Variants in RAD18 observed in about 807,000 individuals in gnomAD.
RAD18 encodes E3 ubiquitin-protein ligase RAD18.
RAD18 carries 47 observed loss-of-function variants against 60.4 expected under a neutral mutation model. The ratio of observed to expected loss-of-function variants is 0.78; its 90% CI spans 0.62 to 0.99. RAD18 has a LOEUF of 0.99. Ranked by LOEUF, RAD18 falls within the 50% of genes least tolerant of loss-of-function variation. RAD18 has a pLI of 0.00. For synonymous variants in RAD18, 225 were observed against 195.5 expected (o/e 1.15, Z -1.26); for missense variants, 640 against 593.3 (o/e 1.08, Z -0.82).
chr3:8,902,996 A>G (rs550464274), intron 9 of RAD18, among the ~76,000 whole-genome samples: 2 of 152,034 alleles, frequency 1.3e-5, no homozygotes, highest in Admixed American at 1.3e-4. Flanking sequence ...ACTGCACTCC[A>G]GCCTGGGCAA....
At chr3:8,920,823 A>C (rs1940305498) in intron 7 of RAD18, among the ~76,000 whole-genome samples, 1 of 152,228 alleles carries the variant, frequency 6.6e-6, no homozygotes, top group Non-Finnish European at 1.5e-5. Flanking sequence ...AGATTGAAAG[A>C]GATTGAAAAG....
At chr3:8,945,744 A>G (rs1188057574) in intron 4 of RAD18, among the ~76,000 whole-genome samples, 1 of 152,088 alleles carries the variant, frequency 6.6e-6, no homozygotes, top group Non-Finnish European at 1.5e-5. Flanking sequence ...TGCTGGGATT[A>G]CAGGCGTCAG....
intron 7 of RAD18, among the ~76,000 whole-genome samples, chr3:8,920,994 TA>T (rs1940309208): frequency 1.3e-5 from 2 of 152,190 alleles, no homozygotes; most frequent in Admixed American, 1.3e-4. Flanking sequence ...ACAGTGGCAA[TA>T]AAAGAGAATC....
chr3:8,915,123 C>A (rs1175294554), intron 7 of RAD18, among the ~76,000 whole-genome samples: 1 of 128,178 alleles, frequency 7.8e-6, no homozygotes, highest in Non-Finnish European at 1.6e-5. Flanking sequence ...CACTCCAGCC[C>A]AGCGACAAAG....
intron 7 of RAD18, among the ~76,000 whole-genome samples, chr3:8,918,548 A>G (rs1398589861): frequency 6.6e-6 from 1 of 152,144 alleles, no homozygotes; most frequent in Non-Finnish European, 1.5e-5. Flanking sequence ...AGAAAGAGGA[A>G]GATGGACTGG....
intron 4 of RAD18, among the ~76,000 whole-genome samples, chr3:8,945,705 C>G (rs1386124402): frequency 1.3e-5 from 2 of 151,858 alleles, no homozygotes; most frequent in Non-Finnish European, 2.9e-5. Context: ...CTCCTGACCT[C>G]GTGATCCACC....
chr3:8,960,079 AG>A (rs1941072106), intron 1 of RAD18, among the ~76,000 whole-genome samples: 1 of 152,114 alleles, frequency 6.6e-6, no homozygotes, highest in Non-Finnish European at 1.5e-5. Flanking sequence ...AGGCCAAGGC[AG>A]GAGAACTGCT....
Position 8,948,537 on chromosome 3 carries a change from T to A in RAD18, c.167A>T (p.Tyr56Phe), listed in dbSNP as rs1418030254. The A allele has an allele frequency of 6.2e-7, 1 of 1,613,152 alleles. No individual in the cohort carries two copies. ...ACAGCAAGTTGGACACTGAGTTTTA[T>A]AGGACAGAAATTTTCTTATACAGAG... The part of the protein sequence containing the change: ...CSLCIRKFLS[Y>F]KTQCPTCCVT... Residue 56 changes from tyrosine to phenylalanine, a missense_variant, in exon 3 of 13, where the codon TAT becomes TTT. Physicochemically the swap from Tyr to Phe is conservative, Grantham distance 22. Coordinates refer to ENST00000264926, the MANE Select transcript of RAD18 (RefSeq NM_020165.4).
At chr3:8,911,390 C>T (rs1214533829) in intron 9 of RAD18, among the ~76,000 whole-genome samples, 1 of 152,160 alleles carries the variant, frequency 6.6e-6, no homozygotes, top group African/African-American at 2.4e-5. Flanking sequence ...CAGGCCAATT[C>T]ACTGATCATT....
chr3:8,915,377 G>A lies in RAD18; in HGVS notation c.890-1657C>T, dbSNP rs147119572. Among the ~76,000 whole-genome samples the A allele has an allele frequency of 4.7e-3, 709 of 152,228 alleles. 4 individuals carry two copies. Among genetic ancestry groups the A allele is most frequent in the African/African-American group, 0.016 (675 of 41,542 alleles). ...ACTAGCCTGAAACCTAAACAAAGAT[G>A]AGTGCCTTAGAAGAGAGAGGGATCA... On this transcript the variant is annotated intron_variant, in intron 7 of 12. Transcript: ENST00000264926.
rs1254274969 is a variant in RAD18 at position 8,941,494 on chromosome 3, T to C, written c.577A>G (p.Thr193Ala). 4 of 1,611,054 alleles carry C rather than the reference T, an allele frequency of 2.5e-6. No individual in the cohort carries two copies. Among genetic ancestry groups the C allele is most frequent in the Admixed American group, 3.4e-5 (2 of 59,646 alleles). The change falls in exon 5 of 13, where the codon ACA becomes GCA. Residue 193 changes from threonine (T) to alanine (A), a missense_variant. Thr to Ala is a moderately conservative substitution (Grantham distance 58). Transcript: ENST00000264926. ...TTAGTAACTTGTTTCAAAGTGGATG[T>C]CGAGGGTGGCTCAGGACGCTTAGCC... ...SEAKRPEPPS[T>A]STLKQVTKVD...
At chr3:8,895,051 G>A (rs944276270) in intron 11 of RAD18, among the ~76,000 whole-genome samples, 26 of 151,818 alleles carry the variant, frequency 1.7e-4, no homozygotes, top group African/African-American at 5.8e-4. Context: ...CACTGTGTCC[G>A]GCCGAAGCTC....
chr3:8,939,034 G>C (rs976620652), intron 6 of RAD18, among the ~76,000 whole-genome samples: 1 of 151,960 alleles, frequency 6.6e-6, no homozygotes, highest in Admixed American at 6.6e-5. Context: ...TGGAGGATGG[G>C]GGGGTGGTGT....
At chr3:8,899,463 A>G (rs1035025704) in intron 10 of RAD18, among the ~76,000 whole-genome samples, 5 of 152,208 alleles carry the variant, frequency 3.3e-5, no homozygotes, top group Non-Finnish European at 7.3e-5. Flanking sequence ...CTATTATATG[A>G]TAGTGAATCT....
At chr3:8,915,706 C>T (rs1575544414) in intron 7 of RAD18, among the ~76,000 whole-genome samples, 2 of 151,980 alleles carry the variant, frequency 1.3e-5, no homozygotes, top group Admixed American at 1.3e-4. Context: ...GCCTCAGCCT[C>T]CCGAGTAGCT....
chr3:8,951,569 A>AT (rs1292569155), intron 2 of RAD18, among the ~76,000 whole-genome samples: 1 of 152,232 alleles, frequency 6.6e-6, no homozygotes. Flanking sequence ...TGGAGAAGGA[A>AT]TATGTGAAAC....
At chr3:8,919,328 TA>T (rs911679549) in intron 7 of RAD18, among the ~76,000 whole-genome samples, 3 of 151,072 alleles carry the variant, frequency 2.0e-5, no homozygotes, top group African/African-American at 2.4e-5. Flanking sequence ...GAATACAATT[TA>T]AAAAAAAACT....
In RAD18 at chr3:8,921,520, C is replaced by A. The variant is rs538756530; in HGVS notation, c.890-7800G>T. Among the ~76,000 whole-genome samples, 13 of 152,078 alleles carry A rather than the reference C, an allele frequency of 8.5e-5. 1 individual carries two copies. The East Asian group carries it at 2.5e-3, about 29-fold the overall frequency. On this transcript the variant is annotated intron_variant, in intron 7 of 12. Transcript: ENST00000264926. ...AACAAACAAAAATTAGCTGGGCATG[C>A]GCTTGTAGTCCTAGCTACCTGGCAG...
chr3:8,905,558 T>C (rs939577105), intron 9 of RAD18, among the ~76,000 whole-genome samples: 1 of 152,208 alleles, frequency 6.6e-6, no homozygotes, highest in African/African-American at 2.4e-5. Flanking sequence ...TAAAATCCCA[T>C]ATATTTCTTT....
Sources: allele counts gnomAD v4.1 joint callset (sites outside exome capture counted in the v4.1 genomes callset), GRCh38; gene constraint gnomAD v4.1.1; transcripts MANE v1.5; gene names NCBI Gene and HGNC (gene_info 2026-07-23, HGNC 2026-07-21).